The following NRXN3 variants were observed in gnomAD, a reference collection of about 807,000 sequenced individuals.
The protein encoded by NRXN3 is neurexin III.
A neutral mutation model predicts 137.6 loss-of-function variants in NRXN3; 32 were observed. The ratio of observed to expected loss-of-function variants is 0.23; its 90% CI spans 0.18 to 0.31. The LOEUF is 0.31. NRXN3 is among the 10% of genes least tolerant of loss of function. The pLI is 1.00. For synonymous variants in NRXN3, 798 were observed against 784.5 expected (o/e 1.02, Z -0.29); for missense variants, 1,574 against 2,062.5 (o/e 0.76, Z 4.59).
At chr14:79,608,842 T>C (rs989941855) in intron 16 of NRXN3, among the ~76,000 whole-genome samples, 3 of 151,444 alleles carry the variant, frequency 2.0e-5, no homozygotes, top group East Asian at 1.9e-4. Flanking sequence ...GTCTCAGGAG[T>C]GCAGTGAAAA....
At chr14:78,858,486 G>A (rs142205882) in intron 10 of NRXN3, among the ~76,000 whole-genome samples, 97 of 152,262 alleles carry the variant, frequency 6.4e-4, no homozygotes, top group African/African-American at 2.2e-3. Context: ...AAAGATGAAG[G>A]TTGTCTAGGG....
intron 4 of NRXN3, among the ~76,000 whole-genome samples, chr14:78,576,394 A>G (rs928650929): frequency 1.3e-5 from 2 of 152,206 alleles, no homozygotes; most frequent in Non-Finnish European, 2.9e-5. Flanking sequence ...AAAATATTTT[A>G]AAAGAGAGAG....
intron 4 of NRXN3, among the ~76,000 whole-genome samples, chr14:78,424,287 T>A (rs1206060052): frequency 6.6e-6 from 1 of 152,224 alleles, no homozygotes; most frequent in Non-Finnish European, 1.5e-5. Context: ...CTAGTCTTCA[T>A]GTTTGTCAGT....
chr14:79,259,357 C>T (rs866823558), intron 15 of NRXN3, among the ~76,000 whole-genome samples: 1 of 152,046 alleles, frequency 6.6e-6, no homozygotes, highest in Non-Finnish European at 1.5e-5. Flanking sequence ...CCTTCTGTTT[C>T]ACATGATCTC....
intron 10 of NRXN3, among the ~76,000 whole-genome samples, chr14:78,954,767 G>GTTTT (rs531410595): frequency 7.7e-6 from 1 of 130,376 alleles, no homozygotes; most frequent in African/African-American, 2.8e-5. Context: ...ACCTGGCCTG[G>GTTTT]TTTTTTTTTT....
intron 7 of NRXN3, among the ~76,000 whole-genome samples, chr14:78,711,439 T>C (rs879801372): frequency 3.2e-5 from 1 of 30,854 alleles, no homozygotes; most frequent in African/African-American, 4.6e-5. Context: ...TTTCTCTTTT[T>C]TTTTTTTTTT....
chr14:78,277,877 T>A (rs1402179005), intron 2 of NRXN3, among the ~76,000 whole-genome samples: 1 of 152,134 alleles, frequency 6.6e-6, no homozygotes, highest in Non-Finnish European at 1.5e-5. Context: ...CTGTCTAGGG[T>A]TGGGTGTTTA....
At chr14:78,543,582 T>C (rs564324903) in intron 4 of NRXN3, among the ~76,000 whole-genome samples, 1 of 152,182 alleles carries the variant, frequency 6.6e-6, no homozygotes, top group Non-Finnish European at 1.5e-5. Flanking sequence ...ACAGGGAGGT[T>C]GGAGAGAGTT....
chr14:79,601,901 C>T (rs539779583), intron 16 of NRXN3, among the ~76,000 whole-genome samples: 2 of 152,098 alleles, frequency 1.3e-5, no homozygotes, highest in Admixed American at 1.3e-4. Context: ...GAACCCAGAC[C>T]GAAGAGGGCA....
intron 6 of NRXN3, among the ~76,000 whole-genome samples, chr14:78,683,029 T>A (rs1218457074): frequency 6.6e-6 from 1 of 152,230 alleles, no homozygotes; most frequent in Non-Finnish European, 1.5e-5. Context: ...ATCTGGCTGC[T>A]GAGCACTTGA....
intron 10 of NRXN3, among the ~76,000 whole-genome samples, chr14:78,929,638 A>G (rs568803829): frequency 1.2e-4 from 19 of 152,304 alleles, no homozygotes; most frequent in Non-Finnish European, 1.9e-4. Context: ...GCTATCGTAC[A>G]GTGCTTCAGT....
chr14:79,666,374 A>G (rs913368296), intron 17 of NRXN3, among the ~76,000 whole-genome samples: 2 of 152,130 alleles, frequency 1.3e-5, no homozygotes, highest in Non-Finnish European at 2.9e-5. Flanking sequence ...TCAATCCTCA[A>G]TAAATGTTAG....
chr14:79,721,606 T>C (rs1257057778), intron 19 of NRXN3, among the ~76,000 whole-genome samples: 1 of 152,108 alleles, frequency 6.6e-6, no homozygotes. Context: ...TTAAAAGAGC[T>C]AAATACGTAT....
chr14:78,553,979 C>T (rs1023809908), intron 4 of NRXN3, among the ~76,000 whole-genome samples: 3 of 152,064 alleles, frequency 2.0e-5, no homozygotes, highest in African/African-American at 7.2e-5. Flanking sequence ...AAAAAAGAAC[C>T]AGAGAGGCAG....
At chr14:78,787,245 T>C (rs1001239217) in intron 8 of NRXN3, among the ~76,000 whole-genome samples, 2 of 152,194 alleles carry the variant, frequency 1.3e-5, no homozygotes, top group Admixed American at 6.5e-5. Flanking sequence ...TATATTTTCT[T>C]CTGCCACCCT....
At chr14:78,785,924 A>G (rs1310861210) in intron 8 of NRXN3, among the ~76,000 whole-genome samples, 2 of 152,310 alleles carry the variant, frequency 1.3e-5, no homozygotes, top group Non-Finnish European at 2.9e-5. Flanking sequence ...CTGTAAAATG[A>G]TATTGTTAGA....
At chr14:79,223,497 T>A (rs1704152803) in intron 15 of NRXN3, among the ~76,000 whole-genome samples, 1 of 152,172 alleles carries the variant, frequency 6.6e-6, no homozygotes. Context: ...CTTTTGACAA[T>A]CTGAAGGAAT....
intron 8 of NRXN3, among the ~76,000 whole-genome samples, chr14:78,747,964 A>G (rs1351743811): frequency 6.6e-6 from 1 of 152,160 alleles, no homozygotes; most frequent in African/African-American, 2.4e-5. Flanking sequence ...AAGCACTTTC[A>G]TTTTCATTTT....
intron 10 of NRXN3, among the ~76,000 whole-genome samples, chr14:78,825,703 C>T (rs1171808279): frequency 6.6e-6 from 1 of 152,200 alleles, no homozygotes; most frequent in Non-Finnish European, 1.5e-5. Flanking sequence ...GGAATTGCTT[C>T]GTTTGTAAAA....
Sources: gnomAD v4.1 joint callset for allele counts (sites outside exome capture counted in the v4.1 genomes callset) on GRCh38, gnomAD v4.1.1 for gene constraint, MANE v1.5 for transcripts, NCBI Gene and HGNC (gene_info 2026-07-23, HGNC 2026-07-21) for gene names.